The following PFKFB2 variants were observed in gnomAD, a reference collection of about 807,000 sequenced individuals.
The protein encoded by PFKFB2 is 6-phosphofructo-2-kinase/fructose-2,6-bisphosphatase 2.
PFKFB2 carries 53 observed loss-of-function variants against 68.0 expected under a neutral mutation model. That is an observed-to-expected ratio of 0.78 (90% CI 0.63 to 0.98). PFKFB2 has a LOEUF of 0.98. Ranked by LOEUF, PFKFB2 falls within the 50% of genes least tolerant of loss-of-function variation. The probability of loss-of-function intolerance (pLI) is 0.00; values close to 1 mark genes in which losing one functional copy is unlikely to be tolerated. For synonymous variants in PFKFB2, 222 were observed against 227.6 expected, an observed-to-expected ratio of 0.98 and a Z score of 0.22; for missense variants, 451 against 642.0, an observed-to-expected ratio of 0.70 and a Z score of 3.22.
In PFKFB2 at chr1:207,073,780, T is replaced by C. The variant is rs1273880210; in HGVS notation, c.*1409T>C. The C allele has an allele frequency of 6.1e-6, 6 of 984,844 alleles. No homozygotes were observed. The highest frequency in any genetic ancestry group is 1.7e-5 in the African/African-American group (1 of 57,244). 61.0% of individuals were successfully genotyped at this position (984,844 alleles called of 1,614,324 possible). On this transcript the variant is annotated 3_prime_UTR_variant, in exon 15 of 15. Coordinates refer to ENST00000367080, the MANE Select transcript of PFKFB2 (RefSeq NM_006212.2). ...GAAATTCTTAGCCCCTTGATGACCA[T>C]GATGGCTTATTCTCTTTCCCAATTT... is the stretch of plus-strand genomic sequence containing the variant.
intron 2 of PFKFB2, chr1:207,045,394 C>G (rs1264429589): frequency 6.6e-6 from 1 of 152,500 alleles, no homozygotes; most frequent in Non-Finnish European, 1.5e-5. Context: ...TAGATACACT[C>G]TACACTGATG....
intron 3 of PFKFB2, 29 bp downstream of exon 3, chr1:207,062,107 C>T: frequency 3.1e-6 from 5 of 1,613,790 alleles, no homozygotes; most frequent in Non-Finnish European, 3.4e-6. Flanking sequence ...CTAGGAAAGA[C>T]AATTATTAGT....
upstream of PFKFB2, chr1:207,052,044 TC>T: frequency 1.5e-6 from 1 of 685,214 alleles, no homozygotes; most frequent in Non-Finnish European, 2.5e-6. Flanking sequence ...ATCTCTCTTT[TC>T]CAAGAAATCC....
intron 1 of PFKFB2, among the ~76,000 whole-genome samples, chr1:207,036,500 A>G (rs1333950159): frequency 6.6e-6 from 1 of 152,040 alleles, no homozygotes; most frequent in Non-Finnish European, 1.5e-5. Flanking sequence ...TGGATTTCCC[A>G]TTTTCTGAGA....
Position 207,075,565 on chromosome 1 carries a change from A to G in PFKFB2, c.*3194A>G. ...TCCTACAAAATAAAAATGGACTTAA[A>G]AGTACTCTCTGCTGAGGCTGTAAGT... On this transcript the variant is annotated 3_prime_UTR_variant, in exon 15 of 15. Coordinates refer to ENST00000367080, the MANE Select transcript of PFKFB2 (RefSeq NM_006212.2). 3 of 985,340 alleles carry G rather than the reference A, an allele frequency of 3.0e-6. No homozygotes were observed. Among genetic ancestry groups the G allele is most frequent in the Non-Finnish European group, 3.6e-6 (3 of 829,834 alleles). The allele number at this position is 985,340 out of a possible 1,614,324, so 61.0% of individuals were successfully genotyped here. A position where few individuals can be genotyped will look rare whatever the true frequency, so the allele number is the denominator to read the frequency against.
chr1:207,061,721 A>C (rs1365631635), intron 2 of PFKFB2, among the ~76,000 whole-genome samples: 5 of 152,096 alleles, frequency 3.3e-5, no homozygotes, highest in East Asian at 1.9e-4. Flanking sequence ...ATCTCTACTG[A>C]AAATACAAAA....
At chr1:207,048,992 T>G (rs1172037114), upstream of PFKFB2, 1 of 1,590,192 alleles carries the variant, frequency 6.3e-7, no homozygotes, top group East Asian at 2.2e-5. Flanking sequence ...TGTGAGGTAG[T>G]AGGCTTCAAC....
At chr1:207,053,005 T>G (rs1177098522), upstream of PFKFB2, 1 of 152,078 alleles carries the variant, frequency 6.6e-6, no homozygotes, top group Non-Finnish European at 1.5e-5. Flanking sequence ...CAGAAAAAAG[T>G]CAAGCTTTTT....
rs189210736 is a variant in PFKFB2 at position 207,072,762 on chromosome 1, C to T, written c.*391C>T. 6 of 1,010,826 alleles carry T rather than the reference C, an allele frequency of 5.9e-6. No individual in the cohort carries two copies. The highest frequency in any genetic ancestry group is 5.8e-5 in the Admixed American group (1 of 17,276). 62.6% of individuals were successfully genotyped at this position (1,010,826 alleles called of 1,614,324 possible). ...TGGTGAAGTGTTGGGGGATGGAGGG[C>T]GGGTGAGCAGTCGGGGGACAAAAAG... On this transcript the variant is annotated 3_prime_UTR_variant, in exon 15 of 15. Coordinates refer to ENST00000367080, the MANE Select transcript of PFKFB2 (RefSeq NM_006212.2).
In PFKFB2 at chr1:207,057,327, A is replaced by C. The variant is rs1227640900; in HGVS notation, c.85+2525A>C. ...CAAAAAAAAAAAAAAAAAAAAAAAA[A>C]ACTAGCCGGGCATGGTGGCGGGCGC... On this transcript the variant is annotated intron_variant, in intron 2 of 14. Transcript: ENST00000367080. Among the ~76,000 whole-genome samples, 12 of 149,130 alleles carry C rather than the reference A, an allele frequency of 8.0e-5. No homozygotes were observed. In the South Asian group the frequency reaches 2.6e-3, roughly 32 times the overall value.
rs372621164 is a variant in PFKFB2, at chr1:207,061,980, C to T, written c.113C>T (p.Pro38Leu). ...TGGGCCTCCTACATGACCAACTCCC[C>T]GACTCTGATCGTTATGATTGGTTTG... ...CSWASYMTNS[P>L]TLIVMIGLPA... The change falls in exon 3 of 15, where the codon CCG becomes CTG. Residue 38 changes from proline (P) to leucine (L), a missense_variant. Physicochemically the swap from Pro to Leu is moderately conservative, Grantham distance 98. Transcript: ENST00000367080. The T allele has an allele frequency of 2.4e-5, 39 of 1,614,040 alleles. No homozygotes were observed. Among genetic ancestry groups the T allele is most frequent in the African/African-American group, 6.7e-5 (5 of 74,920 alleles).
upstream of PFKFB2, among the ~76,000 whole-genome samples, chr1:207,050,204 T>C (rs543310712): frequency 7.2e-5 from 11 of 152,234 alleles, no homozygotes; most frequent in African/African-American, 1.7e-4. Context: ...TGGTTAGAAA[T>C]TGAAAGAGCT....
In PFKFB2 at chr1:207,061,140, TC is replaced by T. The variant is rs1327290358; in HGVS notation, c.86-812del. Among the ~76,000 whole-genome samples, 12 of 101,808 alleles carry T rather than the reference TC, an allele frequency of 1.2e-4. 1 individual carries two copies. The highest frequency in any genetic ancestry group is 3.9e-4 in the African/African-American group (10 of 25,392). 66.8% of individuals were successfully genotyped at this position (101,808 alleles called of 152,430 possible). A position where few individuals can be genotyped will look rare whatever the true frequency, so the allele number is the denominator to read the frequency against. The stretch of plus-strand genomic sequence containing the variant: ...ATCTTTATATATATCTTTATATATA[TC>T]TTTATATATATTTATATATATCTTT... On this transcript the variant is annotated intron_variant, in intron 2 of 14. Coordinates refer to ENST00000367080, the MANE Select transcript of PFKFB2 (RefSeq NM_006212.2).
intron 2 of PFKFB2, chr1:207,044,437 A>G (rs1480680924): frequency 1.3e-5 from 2 of 152,580 alleles, no homozygotes; most frequent in Non-Finnish European, 2.9e-5. Flanking sequence ...CTAATTACAT[A>G]GCCTATACCA....
At chr1:207,043,343 C>T (rs911793530) in intron 2 of PFKFB2, among the ~76,000 whole-genome samples, 2 of 152,074 alleles carry the variant, frequency 1.3e-5, no homozygotes, top group Non-Finnish European at 2.9e-5. Context: ...ATTATACTTC[C>T]ACGTCCATAA....
chr1:207,055,539 CA>C, intron 2 of PFKFB2, among the ~76,000 whole-genome samples: 1 of 152,120 alleles, frequency 6.6e-6, no homozygotes, highest in African/African-American at 2.4e-5. Flanking sequence ...CTCTGTTCCC[CA>C]CATATTTTGG....
upstream of PFKFB2, chr1:207,049,874 A>G (rs1423556271): frequency 5.6e-6 from 4 of 708,610 alleles, no homozygotes; most frequent in African/African-American, 7.2e-5. Context: ...AGTTACCAGT[A>G]AGAATCTTTG....
At chr1:207,057,518 CT>C (rs1216937334) in intron 2 of PFKFB2, among the ~76,000 whole-genome samples, 169 of 142,324 alleles carry the variant, frequency 1.2e-3, no homozygotes, top group African/African-American at 3.0e-3. Flanking sequence ...AATCTACATG[CT>C]TTTTTTTTTT....
chr1:207,050,628 T>G, upstream of PFKFB2: 1 of 1,597,484 alleles, frequency 6.3e-7, no homozygotes. Flanking sequence ...TGTTTTGTTC[T>G]CTCTCACGCC....
Sources: allele counts gnomAD v4.1 joint callset (sites outside exome capture counted in the v4.1 genomes callset), GRCh38; gene constraint gnomAD v4.1.1; transcripts MANE v1.5; gene names NCBI Gene and HGNC (gene_info 2026-07-23, HGNC 2026-07-21).